MTOR: variants seen among roughly 807,000 people sequenced by gnomAD.
MTOR encodes serine/threonine-protein kinase mTOR.
MTOR carries 70 observed loss-of-function variants against 319.8 expected under a neutral mutation model. The ratio of observed to expected loss-of-function variants is 0.22; its 90% confidence interval spans 0.18 to 0.27. The LOEUF (loss-of-function observed/expected upper bound fraction) is 0.27. MTOR is among the 10% of genes least tolerant of loss of function. The pLI, the probability that MTOR is intolerant of heterozygous loss-of-function variation, is 1.00. For missense variants in MTOR, 1,890 were observed against 3,274.4 expected, an observed-to-expected ratio of 0.58 and a Z score of 10.32; for synonymous variants, 1,183 against 1,211.4, an observed-to-expected ratio of 0.98 and a Z score of 0.49.
chr1:11,221,389 C>G (rs1367097542), intron 19 of MTOR, among the ~76,000 whole-genome samples: 7 of 152,058 alleles, frequency 4.6e-5, no homozygotes, highest in African/African-American at 7.2e-5. Context: ...CACAATCACT[C>G]AAGAAGAATA....
At position 11,157,240 on chromosome 1, in the gene MTOR, C is replaced by G. The variant is rs955557159; in HGVS notation, c.4381G>C (p.Val1461Leu). 3.1e-6 allele frequency: 5 copies of G among 1,614,046 alleles called. No individual in the cohort carries two copies. Among genetic ancestry groups the G allele is most frequent in the African/African-American group, 1.3e-5 (1 of 74,932 alleles). ...GTGTCCATTTTCTTGTCATAGGCCA[C>G]AAGGGCATCCTCCCACTCGTGCAGT... ...EKLHEWEDAL[V>L]AYDKKMDTNK... Residue 1461 changes from valine to leucine, a missense_variant, in exon 30 of 58, where the codon GTG (valine) becomes CTG (leucine). Around this residue, in one of 15 missense-constraint regions of MTOR, gnomAD observed 276 missense variants for 459.4 expected, o/e 0.60. Coordinates refer to ENST00000361445, the MANE Select transcript of MTOR (RefSeq NM_004958.4).
In MTOR at chr1:11,130,556, T is replaced by A. The variant is rs148234483; in HGVS notation, c.5586A>T (p.Pro1862=). The A allele has an allele frequency of 4.3e-6, 7 of 1,613,086 alleles. No homozygotes were observed. The highest frequency in any genetic ancestry group is 5.1e-6 in the Non-Finnish European group (6 of 1,179,782). The change falls in exon 39 of 58, where the codon CCA becomes CCT. Residue 1862 remains proline (P), a synonymous_variant. Transcript: ENST00000361445. ...CAGTGACCTTCTTCTGCAGCGGCGA[T>A]GGGGTGGGGCTGTTCTCGGTGCTCT... ...EAESTENSPT[P]SPLQKKVTED...
At position 11,115,180 on chromosome 1, in the gene MTOR, C is replaced by G. The variant is rs1642102020; in HGVS notation, c.7089+216G>C. 6.6e-6 allele frequency among the ~76,000 whole-genome samples: 1 copy of G among 152,146 alleles called. No individual in the cohort carries two copies. Among genetic ancestry groups the G allele is most frequent in the Non-Finnish European group, 1.5e-5 (1 of 68,026 alleles). ...ATGGAGGGTAGGGGCCTACTCTACT[C>G]AGAGGGCATGGGAACAGCAGCCCTT... On this transcript the variant is annotated intron_variant, in intron 51 of 57. Coordinates refer to ENST00000361445, the MANE Select transcript of MTOR (RefSeq NM_004958.4). The surrounding 1 kb of genome is among the most constrained non-coding windows in gnomAD (Gnocchi z 4.5).
intron 19 of MTOR, among the ~76,000 whole-genome samples, chr1:11,220,640 C>T (rs773899644): frequency 8.5e-5 from 13 of 152,284 alleles, no homozygotes; most frequent in African/African-American, 2.6e-4. Context: ...GGCCTAGGAA[C>T]GCAGGCACCC....
chr1:11,114,586 G>C (rs1027583742), intron 52 of MTOR, 133 bp from the exon 53 acceptor site: 2 of 1,334,532 alleles, frequency 1.5e-6, no homozygotes, highest in Admixed American at 2.1e-5. Context: ...AATGTCTTAG[G>C]AGAAGGAATC....
rs200301884 is a variant in MTOR at position 11,238,011 on chromosome 1, G to A, written c.2040C>T (p.Asp680=). The change falls in exon 13 of 58, where the codon GAC becomes GAT. Residue 680 remains aspartate, a synonymous_variant. Coordinates refer to ENST00000361445, the MANE Select transcript of MTOR (RefSeq NM_004958.4). The stretch of plus-strand genomic sequence containing the variant: ...GGGCCAGGTGTGCATCAAAGCGCTC[G>A]TCCAGGGACGCCAAGACACAGTAGC... The part of the protein sequence containing the change: ...DIRYCVLASL[D]ERFDAHLAQA... The A allele has an allele frequency of 2.4e-5, 38 of 1,614,062 alleles. No individual in the cohort carries two copies. Among genetic ancestry groups the A allele is most frequent in the African/African-American group, 9.3e-5 (7 of 74,924 alleles).
intron 29 of MTOR, among the ~76,000 whole-genome samples, chr1:11,166,000 T>C (rs919184057): frequency 3.3e-5 from 5 of 152,210 alleles, no homozygotes; most frequent in African/African-American, 1.2e-4. Context: ...GGGGAAGGAT[T>C]CCCTATTTAA....
chr1:11,242,967 TAAGG>T (rs1215729018), intron 9 of MTOR, 143 bp downstream of exon 9: 9 of 751,286 alleles, frequency 1.2e-5, no homozygotes, highest in Non-Finnish European at 1.9e-5. Context: ...AGAATTCAAC[TAAGG>T]AAGGGCTGTT....
intron 19 of MTOR, among the ~76,000 whole-genome samples, chr1:11,224,883 A>G (rs1646780013): frequency 6.6e-6 from 1 of 152,236 alleles, no homozygotes; most frequent in African/African-American, 2.4e-5. Flanking sequence ...ATAAAGGAAG[A>G]ATGAATTACT....
rs202072049 is a variant in MTOR, at chr1:11,146,807, T to C, written c.4571-16A>G. 414 of 1,583,028 alleles carry C rather than the reference T, an allele frequency of 2.6e-4. No individual in the cohort carries two copies. Among genetic ancestry groups the C allele is most frequent in the Non-Finnish European group, 3.2e-4 (368 of 1,152,106 alleles). Reference sequence around the variant, plus strand: ...TCCCACTGACCTATACACACACACATAGACAGAAAGCATCAAGGGGGTTGG... The same window carrying C: ...TCCCACTGACCTATACACACACACACAGACAGAAAGCATCAAGGGGGTTGG... On this transcript the variant is annotated splice_polypyrimidine_tract_variant and intron_variant, in intron 31 of 57. Transcript: ENST00000361445.
At chr1:11,161,330 C>T (rs1331871479) in intron 29 of MTOR, among the ~76,000 whole-genome samples, 1 of 152,214 alleles carries the variant, frequency 6.6e-6, no homozygotes, top group Non-Finnish European at 1.5e-5. Context: ...AGGAGGCCTG[C>T]CTGCCTCTGT....
At position 11,121,179 on chromosome 1, in the gene MTOR, G is replaced by A. The variant is rs1009659137; in HGVS notation, c.6933+67C>T. ...AGCCGCTGTGTGCACATGAACAGAT[G>A]GGAGGGCCATCCTATTGCGAGTGGG... On this transcript the variant is annotated intron_variant, in intron 49 of 57. Coordinates refer to ENST00000361445, the MANE Select transcript of MTOR (RefSeq NM_004958.4). This position sits in a 1 kb window ranked among gnomAD's most constrained non-coding sequence, Gnocchi z 4.9. 3 of 1,597,730 alleles carry A rather than the reference G, an allele frequency of 1.9e-6. No homozygotes were observed. The highest frequency in any genetic ancestry group is 2.7e-5 in the African/African-American group (2 of 74,768).
intron 28 of MTOR, among the ~76,000 whole-genome samples, chr1:11,189,189 C>T (rs1006689371): frequency 6.6e-6 from 1 of 152,120 alleles, no homozygotes; most frequent in African/African-American, 2.4e-5. Flanking sequence ...AAAGACTCGC[C>T]CCATCTCCCT....
At chr1:11,237,791 C>T (rs1177330835) in intron 13 of MTOR, 52 bp downstream of exon 13, 6 of 1,598,854 alleles carry the variant, frequency 3.8e-6, no homozygotes, top group African/African-American at 1.3e-5. Context: ...GCAGTTCTCA[C>T]AGCGAGAGTC....
rs1419946721 is a variant in MTOR, at chr1:11,134,284, T to C, written c.5246+67A>G. On this transcript the variant is annotated intron_variant, in intron 37 of 57. Coordinates refer to ENST00000361445, the MANE Select transcript of MTOR (RefSeq NM_004958.4). ...CACCCAAGAAGCCTTGAACTCCTCCTTGCTGCAGAAGCTGCTGGGATGACA... is the reference window on the plus strand; with the variant it reads ...CACCCAAGAAGCCTTGAACTCCTCCCTGCTGCAGAAGCTGCTGGGATGACA... The C allele has an allele frequency of 2.7e-6, 4 of 1,462,242 alleles. No homozygotes were observed. In the East Asian group the frequency reaches 6.8e-5, roughly 25 times the overall value. 90.6% of individuals were successfully genotyped at this position (1,462,242 alleles called of 1,614,324 possible).
Position 11,179,389 on chromosome 1 carries a change from T to A in MTOR, c.4254-11872A>T, listed in dbSNP as rs533701353. Among the ~76,000 whole-genome samples, 4 of 152,344 alleles carry A rather than the reference T, an allele frequency of 2.6e-5. No homozygotes were observed. In the South Asian group the frequency reaches 8.3e-4, roughly 32 times the overall value. ...CAGAAGCAGTTTCTCTAAGTCAGCA[T>A]AAGAGCAGTCCCATTAAATCTCCAG... On this transcript the variant is annotated intron_variant, in intron 28 of 57. Transcript: ENST00000361445.
At chr1:11,225,191 T>C (rs896873887) in intron 19 of MTOR, among the ~76,000 whole-genome samples, 1 of 152,192 alleles carries the variant, frequency 6.6e-6, no homozygotes, top group African/African-American at 2.4e-5. Flanking sequence ...AAATTTTATC[T>C]GACTTGTAAA....
intron 2 of MTOR, among the ~76,000 whole-genome samples, chr1:11,258,825 T>C (rs1650758820): frequency 6.6e-6 from 1 of 152,206 alleles, no homozygotes; most frequent in Non-Finnish European, 1.5e-5. Flanking sequence ...GAAAATGTCC[T>C]GTCCTAGGTT....
chr1:11,249,552 A>G (rs1649320411), intron 6 of MTOR, among the ~76,000 whole-genome samples: 1 of 146,146 alleles, frequency 6.8e-6, no homozygotes, highest in African/African-American at 2.5e-5. Context: ...TTTCCTAGGC[A>G]GAGGACCCTG....
Sources: allele counts gnomAD v4.1 joint callset (sites outside exome capture counted in the v4.1 genomes callset), GRCh38; gene constraint gnomAD v4.1.1; regional missense constraint gnomAD v4.1.1; non-coding constraint Gnocchi (gnomAD v3.1); transcripts MANE v1.5; gene names NCBI Gene and HGNC (gene_info 2026-07-23, HGNC 2026-07-21).